GREM2: variants seen among roughly 807,000 people sequenced by gnomAD.
The protein encoded by GREM2 is gremlin-2.
GREM2 carries 11 observed loss-of-function variants against 14.2 expected under a neutral mutation model. That is an observed-to-expected ratio of 0.78 (90% confidence interval 0.49 to 1.28). The LOEUF is 1.28. GREM2 is among the 50% of genes most tolerant of loss of function. The pLI is 0.00. For synonymous variants in GREM2, 98 were observed against 97.6 expected, an observed-to-expected ratio of 1.00 and a Z score of -0.02; for missense variants, 210 against 218.5, an observed-to-expected ratio of 0.96 and a Z score of 0.24.
At chr1:240,578,957 A>T (rs998301224) in intron 1 of GREM2, among the ~76,000 whole-genome samples, 2 of 152,110 alleles carry the variant, frequency 1.3e-5, no homozygotes, top group African/African-American at 4.8e-5. Flanking sequence ...TATGAGAAAG[A>T]TTGGGATTGA....
intron 1 of GREM2, among the ~76,000 whole-genome samples, chr1:240,528,281 G>A (rs540275548): frequency 7.2e-5 from 11 of 152,162 alleles, no homozygotes; most frequent in Admixed American, 2.0e-4. Context: ...TTGACTTTTC[G>A]TTTTTTACTA....
At position 240,556,994 on chromosome 1, in the gene GREM2, AC is replaced by A. The variant is rs572894948; in HGVS notation, c.-2+54889del. ...AGACCAGCCTGGATAACATGGTGAA[AC>A]CCCGTCTCTACTAAAACACAAAAAA... On this transcript the variant is annotated intron_variant, in intron 1 of 1. Coordinates refer to ENST00000318160, the MANE Select transcript of GREM2 (RefSeq NM_022469.4). Among the ~76,000 whole-genome samples the A allele has an allele frequency of 7.6e-3, 1,148 of 151,958 alleles. 14 individuals carry two copies. Among genetic ancestry groups the A allele is most frequent in the African/African-American group, 0.027 (1,101 of 41,450 alleles).
At chr1:240,553,679 A>G (rs527857236) in intron 1 of GREM2, among the ~76,000 whole-genome samples, 1 of 152,368 alleles carries the variant, frequency 6.6e-6, no homozygotes, top group African/African-American at 2.4e-5. Context: ...TGAAACATAC[A>G]TGGAGAAATA....
At chr1:240,493,961 T>G (rs1365508740) in intron 1 of GREM2, among the ~76,000 whole-genome samples, 2 of 152,272 alleles carry the variant, frequency 1.3e-5, no homozygotes, top group Non-Finnish European at 2.9e-5. Flanking sequence ...CCCCAAATAA[T>G]GCCTGGAAGG....
chr1:240,516,227 G>A (rs577201423), intron 1 of GREM2, among the ~76,000 whole-genome samples: 1 of 151,846 alleles, frequency 6.6e-6, no homozygotes, highest in Non-Finnish European at 1.5e-5. Context: ...TCCCCAGTAG[G>A]TAAGTCTAGA....
Position 240,493,134 on chromosome 1 carries a change from C to G in GREM2, c.342G>C (p.Glu114Asp). The G allele has an allele frequency of 6.2e-7, 1 of 1,614,194 alleles. No individual in the cohort carries two copies. The highest frequency in any genetic ancestry group is 8.5e-7 in the Non-Finnish European group (1 of 1,180,030). The part of the protein sequence containing the change: ...FYIPRHVKKE[E>D]ESFQSCAFCK... ...AGAAGGCGCAGGACTGGAAGGACTCCTCCTCCTTCTTCACGTGCCGCGGGA... is the reference window on the plus strand; with the variant it reads ...AGAAGGCGCAGGACTGGAAGGACTCGTCCTCCTTCTTCACGTGCCGCGGGA... Residue 114 changes from glutamate to aspartate, a missense_variant, in exon 2 of 2, where the codon GAG becomes GAC. Coordinates refer to ENST00000318160, the MANE Select transcript of GREM2 (RefSeq NM_022469.4).
At chr1:240,570,265 C>A (rs1297105851) in intron 1 of GREM2, among the ~76,000 whole-genome samples, 1 of 152,090 alleles carries the variant, frequency 6.6e-6, no homozygotes, top group African/African-American at 2.4e-5. Context: ...AGACCAAGAC[C>A]ATCCTGGCCA....
intron 1 of GREM2, among the ~76,000 whole-genome samples, chr1:240,507,283 T>TCCCCCCTCCCTC (rs1677697646): frequency 6.6e-6 from 1 of 151,564 alleles, no homozygotes; most frequent in South Asian, 2.1e-4. Flanking sequence ...CTTCCTGCCT[T>TCCCCCCTCCCTC]CCTCCCTCCC....
chr1:240,591,192 C>T (rs1679708736), intron 1 of GREM2, among the ~76,000 whole-genome samples: 1 of 152,194 alleles, frequency 6.6e-6, no homozygotes, highest in Non-Finnish European at 1.5e-5. Flanking sequence ...CTACAACTAA[C>T]ACAATTATTT....
chr1:240,547,229 G>T (rs938745536), intron 1 of GREM2, among the ~76,000 whole-genome samples: 2 of 152,010 alleles, frequency 1.3e-5, no homozygotes, highest in East Asian at 3.9e-4. Flanking sequence ...GGCCAGGCAC[G>T]GTGCCTCATG....
intron 1 of GREM2, among the ~76,000 whole-genome samples, chr1:240,528,377 G>C (rs1331412134): frequency 6.6e-6 from 1 of 152,036 alleles, no homozygotes; most frequent in African/African-American, 2.4e-5. Flanking sequence ...GCTCAATAAT[G>C]TTTATTACAT....
chr1:240,579,787 GTAAAGC>G (rs1239218401), intron 1 of GREM2, among the ~76,000 whole-genome samples: 4 of 152,320 alleles, frequency 2.6e-5, no homozygotes, highest in Admixed American at 2.6e-4. Context: ...ATTTCAACTG[GTAAAGC>G]TAAAACAACA....
chr1:240,493,034 T>C lies in GREM2; in HGVS notation c.442A>G (p.Lys148Glu). 6.2e-7 allele frequency: 1 copy of C among 1,600,800 alleles called. No individual in the cohort carries two copies. Among genetic ancestry groups the C allele is most frequent in the African/African-American group, 1.3e-5 (1 of 74,782 alleles). The stretch of plus-strand genomic sequence containing the variant: ...CGGCACTGCTTCACCTTCTGGATTT[T>C]CTTGAGTCGGAAGGGTGGGTCCAGG... ...PGLDPPFRLK[K>E]IQKVKQCRCM... Residue 148 changes from lysine (K) to glutamate (E), a missense_variant, in exon 2 of 2, where the codon AAA becomes GAA. Lys to Glu is a moderately conservative substitution (Grantham distance 56). Transcript: ENST00000318160.
chr1:240,529,711 C>T (rs1016539035), intron 1 of GREM2, among the ~76,000 whole-genome samples: 1 of 152,048 alleles, frequency 6.6e-6, no homozygotes, highest in Non-Finnish European at 1.5e-5. Flanking sequence ...ATGGGGTGAG[C>T]ATATTAGTGC....
chr1:240,578,084 T>G (rs779939293), intron 1 of GREM2, among the ~76,000 whole-genome samples: 4 of 152,142 alleles, frequency 2.6e-5, no homozygotes, highest in African/African-American at 4.8e-5. Flanking sequence ...TTGTTGTGGT[T>G]GTTGTTTTCC....
At chr1:240,583,073 G>A (rs748524386) in intron 1 of GREM2, among the ~76,000 whole-genome samples, 8 of 151,824 alleles carry the variant, frequency 5.3e-5, no homozygotes, top group Admixed American at 1.3e-4. Flanking sequence ...TTAGGATTCC[G>A]TTTTGCCTGG....
chr1:240,591,266 T>C (rs1392297049), intron 1 of GREM2, among the ~76,000 whole-genome samples: 2 of 152,222 alleles, frequency 1.3e-5, no homozygotes, highest in Non-Finnish European at 2.9e-5. Context: ...GCATGAATCA[T>C]ACAGTTATGA....
rs878859826 is a variant in GREM2, at chr1:240,492,012, A to AT, written c.*956dup. ...CATGACAGTGAATTGCTGACCAGGC[A>AT]TTTTTTTTTCTGAGTAAGACACCTT... On this transcript the variant is annotated 3_prime_UTR_variant, in exon 2 of 2. Coordinates refer to ENST00000318160, the MANE Select transcript of GREM2 (RefSeq NM_022469.4). 1.4e-3 allele frequency: 259 copies of AT among 184,832 alleles called. 1 individual carries two copies. The highest frequency in any genetic ancestry group is 3.3e-3 in the South Asian group (34 of 10,266). 11.4% of individuals were successfully genotyped at this position (184,832 alleles called of 1,614,324 possible). A position where few individuals can be genotyped will look rare whatever the true frequency, so the allele number is the denominator to read the frequency against.
At chr1:240,528,527 T>C (rs1678276264) in intron 1 of GREM2, among the ~76,000 whole-genome samples, 1 of 152,194 alleles carries the variant, frequency 6.6e-6, no homozygotes, top group Non-Finnish European at 1.5e-5. Flanking sequence ...AATGTATATG[T>C]ATTTTAGGAA....
Sources: gnomAD v4.1 joint callset for allele counts (sites outside exome capture counted in the v4.1 genomes callset) on GRCh38, gnomAD v4.1.1 for gene constraint, MANE v1.5 for transcripts, NCBI Gene and HGNC (gene_info 2026-07-23, HGNC 2026-07-21) for gene names.